The following SND1 variants were observed in gnomAD, a reference collection of about 807,000 sequenced individuals.
SND1 encodes staphylococcal nuclease and tudor domain containing 1, also known as staphylococcal nuclease domain-containing protein 1.
SND1 carries 38 observed loss-of-function variants against 121.7 expected under a neutral mutation model. The observed-to-expected ratio is 0.31, with a 90% confidence interval of 0.24 to 0.41. SND1 has a LOEUF of 0.41. SND1 is among the 10% of genes least tolerant of loss of function. The pLI is 1.00. For missense variants in SND1, 868 were observed against 1,184.6 expected (o/e 0.73, Z 3.92); for synonymous variants, 401 against 447.4 (o/e 0.90, Z 1.31).
chr7:127,738,365 A>G (rs1587631121), intron 10 of SND1, among the ~76,000 whole-genome samples: 2 of 147,780 alleles, frequency 1.4e-5, no homozygotes, highest in African/African-American at 2.5e-5. Context: ...GCTCACTGCA[A>G]CCTCCCAGGT....
intron 16 of SND1, among the ~76,000 whole-genome samples, chr7:127,994,592 A>G (rs1584723446): frequency 7.1e-6 from 1 of 140,970 alleles, no homozygotes; most frequent in African/African-American, 2.7e-5. Context: ...AAAACAGTAA[A>G]TTCAGTCTTT....
chr7:127,766,751 G>GACAAA (rs149632617), intron 10 of SND1, among the ~76,000 whole-genome samples: 2,433 of 88,750 alleles, frequency 0.027, 112 homozygotes, highest in African/African-American at 0.096. Context: ...CAGCCTGGGT[G>GACAAA]ACAAAGCGAG....
chr7:127,767,465 T>C (rs939046832), intron 10 of SND1, among the ~76,000 whole-genome samples: 11 of 152,230 alleles, frequency 7.2e-5, no homozygotes, highest in Admixed American at 2.0e-4. Flanking sequence ...CAAATGTCTT[T>C]GAAATGGTAG....
intron 14 of SND1, among the ~76,000 whole-genome samples, chr7:127,927,088 C>G (rs1800858451): frequency 6.6e-6 from 1 of 152,094 alleles, no homozygotes; most frequent in Admixed American, 6.5e-5. Flanking sequence ...TGATTATTCT[C>G]AGTCTGAGTA....
At chr7:127,805,527 A>G (rs1798218251) in intron 10 of SND1, among the ~76,000 whole-genome samples, 1 of 152,214 alleles carries the variant, frequency 6.6e-6, no homozygotes. Flanking sequence ...TGTTATCTGC[A>G]TTCTCATAAG....
Position 128,067,817 on chromosome 7 carries a change from T to C in SND1, c.1780-6685T>C, listed in dbSNP as rs548602026. ...GGCTTGTATGTGTGTGGGGTCTCCC[T>C]GTCCTCCCCCCATTGCTAGTAAATC... On this transcript the variant is annotated intron_variant, in intron 16 of 23. Transcript: ENST00000354725. 2.6e-5 allele frequency among the ~76,000 whole-genome samples: 4 copies of C among 152,264 alleles called. No individual in the cohort carries two copies. In the East Asian group the frequency reaches 7.7e-4, roughly 29 times the overall value.
intron 15 of SND1, among the ~76,000 whole-genome samples, chr7:127,973,887 CT>C (rs1189925383): frequency 3.9e-5 from 6 of 152,248 alleles, no homozygotes; most frequent in Non-Finnish European, 7.3e-5. Flanking sequence ...CTTCCCTGGC[CT>C]GACCACCTGA....
At chr7:127,830,472 A>G (rs1340581322) in intron 11 of SND1, among the ~76,000 whole-genome samples, 1 of 152,170 alleles carries the variant, frequency 6.6e-6, no homozygotes, top group Non-Finnish European at 1.5e-5. Flanking sequence ...CTACAGTGCC[A>G]AGTATGTTCC....
chr7:127,811,885 C>T (rs1417489293), intron 11 of SND1, among the ~76,000 whole-genome samples: 1 of 152,146 alleles, frequency 6.6e-6, no homozygotes, highest in African/African-American at 2.4e-5. Flanking sequence ...GAAATTTCTT[C>T]TGTGAAGTAG....
intron 10 of SND1, among the ~76,000 whole-genome samples, chr7:127,786,632 TTTG>T (rs2116531172): frequency 6.7e-6 from 1 of 149,984 alleles, no homozygotes; most frequent in Admixed American, 6.7e-5. Context: ...TTTGTTTTGT[TTTG>T]TTTGTTTGTT....
chr7:127,892,652 TTACC>T lies in SND1; in HGVS notation c.1454+4642_1454+4645del, dbSNP rs1800030827. ...CTATCATCAGCTGACCCCTGCCTCA[TTACC>T]TTATGTCCTAGCAAGATAAGGTTTT... On this transcript the variant is annotated intron_variant, in intron 13 of 23. Transcript: ENST00000354725. 2.6e-5 allele frequency among the ~76,000 whole-genome samples: 4 copies of T among 152,270 alleles called. No individual in the cohort carries two copies. The East Asian group carries it at 7.8e-4, about 30-fold the overall frequency.
At chr7:127,852,164 AAAATAAAATAAAAT>A (rs140468849) in intron 12 of SND1, among the ~76,000 whole-genome samples, 42,392 of 111,646 alleles carry the variant, frequency 0.38, 7,586 homozygotes, top group East Asian at 0.7. Context: ...AGTCTCCAAA[AAAATAAAATAAAAT>A]AAATAAAATA....
intron 10 of SND1, among the ~76,000 whole-genome samples, chr7:127,761,109 T>C (rs1303059452): frequency 6.6e-6 from 1 of 152,216 alleles, no homozygotes; most frequent in South Asian, 2.1e-4. Flanking sequence ...CTAGGCCACC[T>C]ACCTCTATCA....
intron 16 of SND1, among the ~76,000 whole-genome samples, chr7:128,037,281 T>C (rs1365901960): frequency 6.6e-6 from 1 of 152,194 alleles, no homozygotes. Flanking sequence ...TTCCTTGACT[T>C]ACAGCTGTAT....
chr7:128,060,543 C>A (rs1338716693), intron 16 of SND1, among the ~76,000 whole-genome samples: 1 of 152,216 alleles, frequency 6.6e-6, no homozygotes, highest in Non-Finnish European at 1.5e-5. Context: ...CTTTCCCTTC[C>A]TCCTCCCTGC....
chr7:127,788,645 T>C (rs1797856518), intron 10 of SND1, among the ~76,000 whole-genome samples: 1 of 152,222 alleles, frequency 6.6e-6, no homozygotes, highest in African/African-American at 2.4e-5. Flanking sequence ...GAACTTCCAG[T>C]GGGCATGTTT....
chr7:127,679,580 A>G (rs1301939137), intron 1 of SND1, among the ~76,000 whole-genome samples: 1 of 152,202 alleles, frequency 6.6e-6, no homozygotes, highest in Non-Finnish European at 1.5e-5. Flanking sequence ...ATCCATTAGT[A>G]TATTCCCCAC....
chr7:127,719,953 C>A (rs1796462754), intron 9 of SND1, among the ~76,000 whole-genome samples: 1 of 152,140 alleles, frequency 6.6e-6, no homozygotes, highest in African/African-American at 2.4e-5. Flanking sequence ...TTCTATCCTT[C>A]TTGAGATTGT....
chr7:128,086,699 G>A, intron 20 of SND1: 2 of 587,286 alleles, frequency 3.4e-6, no homozygotes, highest in East Asian at 2.9e-5. Flanking sequence ...GGAACCACTA[G>A]GTGTGCCAGC....
Sources: allele counts gnomAD v4.1 joint callset (sites outside exome capture counted in the v4.1 genomes callset), GRCh38; gene constraint gnomAD v4.1.1; transcripts MANE v1.5; gene names NCBI Gene and HGNC (gene_info 2026-07-23, HGNC 2026-07-21).